The following CACNA1E variants were observed in gnomAD, a reference collection of about 807,000 sequenced individuals.
CACNA1E encodes voltage-dependent R-type calcium channel subunit alpha-1E.
Under a neutral mutation model 259.2 loss-of-function variants are expected in CACNA1E, and 40 were observed. The ratio of observed to expected loss-of-function variants is 0.15; its 90% confidence interval spans 0.12 to 0.20. The LOEUF is 0.20. Among genes scored for constraint, CACNA1E ranks in the 10% least tolerant of loss-of-function variants. The pLI is 1.00. For missense variants in CACNA1E, 1,874 were observed against 3,040.1 expected, an observed-to-expected ratio of 0.62 and a Z score of 9.02; for synonymous variants, 1,104 against 1,138.5, an observed-to-expected ratio of 0.97 and a Z score of 0.61.
chr1:181,660,760 G>A (rs1039328852), intron 7 of CACNA1E, among the ~76,000 whole-genome samples: 4 of 152,160 alleles, frequency 2.6e-5, no homozygotes, highest in Admixed American at 6.5e-5. Flanking sequence ...TTAGTTTGAC[G>A]TATATCTGCT....
At chr1:181,773,430 C>T (rs1030115589) in intron 37 of CACNA1E, among the ~76,000 whole-genome samples, 2 of 152,136 alleles carry the variant, frequency 1.3e-5, no homozygotes, top group Non-Finnish European at 2.9e-5. Context: ...TGAACTGATC[C>T]ATGTGTTTTA....
chr1:181,385,007 C>G (rs925282996), intron 1 of CACNA1E, among the ~76,000 whole-genome samples: 2 of 152,198 alleles, frequency 1.3e-5, no homozygotes, highest in African/African-American at 4.8e-5. Context: ...TTCACTCTTT[C>G]CAGCCTAGAT....
chr1:181,668,922 G>C (rs1175936886), intron 7 of CACNA1E: 1 of 152,188 alleles, frequency 6.6e-6, no homozygotes, highest in Non-Finnish European at 1.5e-5. Context: ...CAGCTATTCA[G>C]GAGGCTGAAG....
At chr1:181,581,580 A>G (rs890703072) in intron 6 of CACNA1E, among the ~76,000 whole-genome samples, 4 of 152,304 alleles carry the variant, frequency 2.6e-5, no homozygotes, top group Middle Eastern at 6.8e-3. Flanking sequence ...GGATTCCTGC[A>G]TGGGGACAGA....
At chr1:181,345,100 G>A (rs72729323) in intron 1 of CACNA1E, among the ~76,000 whole-genome samples, 3,349 of 152,346 alleles carry the variant, frequency 0.022, 57 homozygotes, top group Non-Finnish European at 0.034. Context: ...AGGTGCCAGC[G>A]CCAGAAGCCC....
chr1:181,329,337 G>C (rs578051352), intron 1 of CACNA1E, among the ~76,000 whole-genome samples: 7 of 152,096 alleles, frequency 4.6e-5, no homozygotes, highest in Admixed American at 4.6e-4. Context: ...GGAGCTCCAA[G>C]CTCCACAAGG....
intron 7 of CACNA1E, among the ~76,000 whole-genome samples, chr1:181,672,107 C>T (rs543096632): frequency 3.0e-4 from 46 of 152,240 alleles, no homozygotes; most frequent in African/African-American, 9.4e-4. Flanking sequence ...AGCTGGAGGC[C>T]GTTATCCTTA....
rs1046031781 is a variant in CACNA1E at position 181,679,712 on chromosome 1, A to T, written c.1055+28271A>T. Reference sequence around the variant, plus strand: ...TCCTCCTCCTGTCAGTGGCTGGGCTAACAGCAGGCCAGGCTGGACAGTGGC... The same window carrying T: ...TCCTCCTCCTGTCAGTGGCTGGGCTTACAGCAGGCCAGGCTGGACAGTGGC... On this transcript the variant is annotated intron_variant, in intron 7 of 47. Coordinates refer to ENST00000367573, the MANE Select transcript of CACNA1E (RefSeq NM_001205293.3). Among the ~76,000 whole-genome samples, 7 of 152,288 alleles carry T rather than the reference A, an allele frequency of 4.6e-5. No individual in the cohort carries two copies. In the South Asian group the frequency reaches 1.2e-3, roughly 27 times the overall value.
intron 7 of CACNA1E, among the ~76,000 whole-genome samples, chr1:181,671,526 G>GA (rs1421304838): frequency 1.3e-5 from 2 of 152,294 alleles, no homozygotes. Context: ...GTCTTAGAAA[G>GA]AAAAAACAAT....
chr1:181,351,403 A>G (rs558729325), intron 1 of CACNA1E, among the ~76,000 whole-genome samples: 100 of 152,342 alleles, frequency 6.6e-4, no homozygotes, highest in Admixed American at 2.0e-3. Context: ...GAAGATGGCC[A>G]TAAGTTCCCC....
intron 3 of CACNA1E, among the ~76,000 whole-genome samples, chr1:181,515,251 A>G (rs1229472432): frequency 6.6e-6 from 1 of 152,146 alleles, no homozygotes; most frequent in Non-Finnish European, 1.5e-5. Flanking sequence ...CAGGGGCCCA[A>G]TGTGTCCATC....
intron 1 of CACNA1E, among the ~76,000 whole-genome samples, chr1:181,329,386 A>G (rs931170208): frequency 6.6e-6 from 1 of 151,946 alleles, no homozygotes; most frequent in Non-Finnish European, 1.5e-5. Flanking sequence ...TGATTATACC[A>G]CTTTTCAGCT....
At chr1:181,793,521 C>T in intron 44 of CACNA1E, 144 bp from the exon 45 acceptor site, 2 of 814,902 alleles carry the variant, frequency 2.5e-6, no homozygotes, top group Non-Finnish European at 3.7e-6. Context: ...TAAACACACA[C>T]ACACATATAC....
At chr1:181,391,905 CTCTGTCTT>C (rs1656308720) in intron 1 of CACNA1E, among the ~76,000 whole-genome samples, 2 of 134,816 alleles carry the variant, frequency 1.5e-5, no homozygotes, top group Non-Finnish European at 3.1e-5. Context: ...CTGTCTCTCT[CTCTGTCTT>C]TCTCTCTCTC....
chr1:181,380,069 C>T (rs977047983), intron 1 of CACNA1E, among the ~76,000 whole-genome samples: 2 of 148,302 alleles, frequency 1.3e-5, no homozygotes, highest in East Asian at 2.0e-4. Flanking sequence ...CTAAATCAAC[C>T]ATTAAAATAG....
chr1:181,657,881 T>G (rs931755772), intron 7 of CACNA1E, among the ~76,000 whole-genome samples: 7 of 152,238 alleles, frequency 4.6e-5, no homozygotes, highest in African/African-American at 1.7e-4. Context: ...TTGTTGGCAT[T>G]CTTTGTTCGT....
At chr1:181,502,817 G>A (rs961422346) in intron 1 of CACNA1E, among the ~76,000 whole-genome samples, 4 of 152,176 alleles carry the variant, frequency 2.6e-5, no homozygotes, top group Non-Finnish European at 5.9e-5. Flanking sequence ...TCCTGCCTCA[G>A]CCTCCTAAGT....
intron 4 of CACNA1E, among the ~76,000 whole-genome samples, chr1:181,578,427 C>T (rs1319204270): frequency 6.6e-6 from 1 of 152,130 alleles, no homozygotes; most frequent in Non-Finnish European, 1.5e-5. Flanking sequence ...TGTAGCTGAG[C>T]ATGGCAGCTC....
chr1:181,698,145 G>A (rs778374099), intron 7 of CACNA1E, among the ~76,000 whole-genome samples: 9 of 152,178 alleles, frequency 5.9e-5, no homozygotes, highest in Non-Finnish European at 8.8e-5. Context: ...CAGTCTACAC[G>A]TATTCAGTAA....
Sources: allele counts gnomAD v4.1 joint callset (sites outside exome capture counted in the v4.1 genomes callset), GRCh38; gene constraint gnomAD v4.1.1; transcripts MANE v1.5; gene names NCBI Gene and HGNC (gene_info 2026-07-23, HGNC 2026-07-21).